The following KIFC3 variants were observed in gnomAD, a reference collection of about 807,000 sequenced individuals.
KIFC3 encodes kinesin-like protein KIFC3.
In KIFC3, 60 loss-of-function variants were observed where a neutral mutation model predicts 101.8. The ratio of observed to expected loss-of-function variants is 0.59; its 90% CI spans 0.48 to 0.73. The LOEUF (loss-of-function observed/expected upper bound fraction) is 0.73. Ranked by LOEUF, KIFC3 falls within the 30% of genes least tolerant of loss-of-function variation. The pLI, the probability that KIFC3 is intolerant of heterozygous loss-of-function variation, is 0.00. For synonymous variants in KIFC3, 476 were observed against 482.7 expected, an observed-to-expected ratio of 0.99 and a Z score of 0.18; for missense variants, 966 against 1,137.1, an observed-to-expected ratio of 0.85 and a Z score of 2.16.
In KIFC3 at chr16:57,758,776, G is replaced by A. The variant is rs71387192; in HGVS notation, c.*158C>T. The stretch of plus-strand genomic sequence containing the variant: ...ATGTTTCTCATCTTTGAGGGGAGAC[G>A]GGGCAGAAGAAGAGCCTCCACTCTC... On this transcript the variant is annotated 3_prime_UTR_variant, in exon 20 of 20. Transcript: ENST00000445690. 0.077 allele frequency: 87,552 copies of A among 1,136,692 alleles called. 3,774 individuals carry two copies. Among genetic ancestry groups the A allele is most frequent in the South Asian group, 0.11 (8,759 of 81,734 alleles). 70.4% of individuals were successfully genotyped at this position (1,136,692 alleles called of 1,614,324 possible). A position where few individuals can be genotyped will look rare whatever the true frequency, so the allele number is the denominator to read the frequency against.
Position 57,795,064 on chromosome 16 carries a change from A to G in KIFC3, c.250T>C (p.Cys84Arg). The G allele has an allele frequency of 1.2e-6, 2 of 1,605,674 alleles. No homozygotes were observed. The highest frequency in any genetic ancestry group is 1.7e-4 in the Middle Eastern group (1 of 5,912). Residue 84 changes from cysteine (C) to arginine (R), a missense_variant, in exon 3 of 20, where the codon TGC becomes CGC. Physicochemically the swap from Cys to Arg is radical, Grantham distance 180. Transcript: ENST00000445690. ...RSAARPALAQCRALSVDWAGP... is the reference protein window; with the variant it reads ...RSAARPALAQRRALSVDWAGP... ...GCCCAGTCCACGCTAAGGGCTCGGC[A>G]CTGAGCTAGGGCTGGGCGAGCTGCA...
intron 3 of KIFC3, among the ~76,000 whole-genome samples, chr16:57,784,739 A>G (rs1181608109): frequency 1.3e-5 from 2 of 152,182 alleles, no homozygotes; most frequent in Non-Finnish European, 2.9e-5. Flanking sequence ...ACAGCCACAG[A>G]GACAGACACT....
chr16:57,852,370 G>T (rs1204277770), intron 1 of KIFC3, among the ~76,000 whole-genome samples: 6 of 152,090 alleles, frequency 3.9e-5, no homozygotes, highest in African/African-American at 1.4e-4. Flanking sequence ...CCCACCTCCT[G>T]CCTCATCATC....
In KIFC3 at chr16:57,802,386, G is replaced by C; in HGVS notation, c.-56C>G. ...CCCACTCACCGGCCTGGCGGAGGCA[G>C]GATCCAGGCGTCGCCGCAGCGCCCG... On this transcript the variant is annotated 5_prime_UTR_variant, in exon 1 of 20. Transcript: ENST00000445690. This position sits in a 1 kb window ranked among gnomAD's most constrained non-coding sequence, Gnocchi z 5.0. 1.0e-6 allele frequency: 1 copy of C among 983,494 alleles called. No homozygotes were observed. Among genetic ancestry groups the C allele is most frequent in the Non-Finnish European group, 1.2e-6 (1 of 829,208 alleles). 60.9% of individuals were successfully genotyped at this position (983,494 alleles called of 1,614,324 possible). A position where few individuals can be genotyped will look rare whatever the true frequency, so the allele number is the denominator to read the frequency against.
At chr16:57,774,259 T>C (rs16959373) in intron 3 of KIFC3, 10,956 of 152,372 alleles carry the variant, frequency 0.072, 451 homozygotes, top group South Asian at 0.12. Flanking sequence ...GCAGCCTTTC[T>C]GCTTTCGTCC....
chr16:57,815,477 C>A, intron 1 of KIFC3: 1 of 1,225,820 alleles, frequency 8.2e-7, no homozygotes, highest in Admixed American at 2.9e-5. Context: ...AGACTCTGCC[C>A]ATCACCCCCA....
chr16:57,820,517 T>C (rs2055326961), intron 1 of KIFC3, among the ~76,000 whole-genome samples: 1 of 152,170 alleles, frequency 6.6e-6, no homozygotes, highest in Non-Finnish European at 1.5e-5. Context: ...TGAACTGAAG[T>C]GATCCTCCCA....
chr16:57,850,631 A>G (rs2056033544), intron 1 of KIFC3, among the ~76,000 whole-genome samples: 1 of 151,722 alleles, frequency 6.6e-6, no homozygotes, highest in South Asian at 2.1e-4. Context: ...GCCTGCCACC[A>G]TGCCCGGCTA....
intron 1 of KIFC3, among the ~76,000 whole-genome samples, chr16:57,849,225 T>C (rs1291908591): frequency 1.3e-5 from 2 of 152,226 alleles, no homozygotes; most frequent in Non-Finnish European, 2.9e-5. Flanking sequence ...AGTTTCTTGA[T>C]AATTGGTGAT....
chr16:57,762,183 T>C lies in KIFC3; in HGVS notation c.1705A>G (p.Thr569Ala), dbSNP rs201170328. ...ATCTCCGCAGCGCTGACGGTGATGG[T>C]GTACTCCCAGTCAGACGCCTTCTCC... is the stretch of plus-strand genomic sequence containing the variant. ...VQEKASDWEY[T>A]ITVSAAEIYN... The change falls in exon 13 of 20, where the codon ACC becomes GCC. Residue 569 changes from threonine to alanine, a missense_variant. Physicochemically the swap from Thr to Ala is moderately conservative, Grantham distance 58. Coordinates refer to ENST00000445690, the MANE Select transcript of KIFC3 (RefSeq NM_001130100.2). 74 of 1,607,472 alleles carry C rather than the reference T, an allele frequency of 4.6e-5. No individual in the cohort carries two copies. The East Asian group carries it at 1.6e-3, about 36-fold the overall frequency.
chr16:57,772,482 A>C, intron 3 of KIFC3, 194 bp from the exon 4 acceptor site: 1 of 530,474 alleles, frequency 1.9e-6, no homozygotes. Context: ...TGGTGCTGAC[A>C]GCCTCCCGCA....
chr16:57,841,673 AAAC>A lies in KIFC3; in HGVS notation c.108+21053_108+21055del, dbSNP rs1333160921. On this transcript the variant is annotated intron_variant, in intron 1 of 2. Coordinates refer to the KIFC3 transcript ENST00000563028. ...CAGAGCGAGACTGTCTCAAAAACAA[AAAC>A]AACAACAACAAAACCCAGAATGAAA... 3.3e-5 allele frequency among the ~76,000 whole-genome samples: 5 copies of A among 151,996 alleles called. No individual in the cohort carries two copies. In the East Asian group the frequency reaches 7.8e-4, roughly 24 times the overall value.
chr16:57,759,777 A>C lies in KIFC3; in HGVS notation c.2427T>G (p.Ser809=). Residue 809 remains serine (S), a synonymous_variant, in exon 18 of 20, where the codon TCT becomes TCG. Transcript: ENST00000445690. ...PSARAHSAPS[S]GTSSRPGSIR... ...TGGATCCAGGGCGGCTACTGGTCCC[A>C]GAGCTGGGGGCTGAGTGGGCCCGTG... The C allele has an allele frequency of 6.2e-7, 1 of 1,611,414 alleles. No homozygotes were observed. Among genetic ancestry groups the C allele is most frequent in the Admixed American group, 1.7e-5 (1 of 59,678 alleles).
At chr16:57,768,789 A>T (rs2050802812) in intron 9 of KIFC3, among the ~76,000 whole-genome samples, 1 of 152,232 alleles carries the variant, frequency 6.6e-6, no homozygotes, top group African/African-American at 2.4e-5. Context: ...AAACAGCTCG[A>T]CATGTAGGAG....
At chr16:57,776,753 T>C (rs1403175921) in intron 3 of KIFC3, 1 of 152,238 alleles carries the variant, frequency 6.6e-6, no homozygotes, top group Non-Finnish European at 1.5e-5. Context: ...ATGAGGTTGG[T>C]AAGCAGAGAC....
intron 3 of KIFC3, among the ~76,000 whole-genome samples, chr16:57,791,655 T>G (rs2053882509): frequency 6.6e-6 from 1 of 152,086 alleles, no homozygotes; most frequent in Admixed American, 6.6e-5. Flanking sequence ...CCCAGAGATC[T>G]TCAGTAGATC....
intron 1 of KIFC3, among the ~76,000 whole-genome samples, chr16:57,800,940 A>G (rs559894803): frequency 6.6e-6 from 1 of 152,274 alleles, no homozygotes; most frequent in African/African-American, 2.4e-5. Context: ...CCTGTTTACT[A>G]GATGTCTGAC....
chr16:57,806,498 A>G (rs145570529), upstream of KIFC3, among the ~76,000 whole-genome samples: 3 of 152,232 alleles, frequency 2.0e-5, no homozygotes, highest in African/African-American at 7.2e-5. Context: ...CTCCTTCAGG[A>G]CAGGACCCTT....
At chr16:57,811,632 G>T (rs183414720) in intron 1 of KIFC3, among the ~76,000 whole-genome samples, 1 of 152,016 alleles carries the variant, frequency 6.6e-6, no homozygotes. Flanking sequence ...CCTGAGGCGT[G>T]GGGCCAAGCG....
Sources: gnomAD v4.1 joint callset for allele counts (sites outside exome capture counted in the v4.1 genomes callset) on GRCh38, gnomAD v4.1.1 for gene constraint, Gnocchi (gnomAD v3.1) non-coding constraint, MANE v1.5 for transcripts, NCBI Gene and HGNC (gene_info 2026-07-23, HGNC 2026-07-21) for gene names.